Variants in DPH6 observed in about 807,000 individuals in gnomAD.
DPH6 encodes diphthine--ammonia ligase.
In DPH6, 33 loss-of-function variants were observed where a neutral mutation model predicts 38.2. The observed-to-expected ratio is 0.86, with a 90% CI of 0.65 to 1.15. The LOEUF is 1.15. Among genes scored for constraint, DPH6 ranks in the 50% most tolerant of loss-of-function variants. The pLI, the probability that DPH6 is intolerant of heterozygous loss-of-function variation, is 0.00. For missense variants in DPH6, 325 were observed against 320.0 expected (o/e 1.02, Z -0.12); for synonymous variants, 108 against 103.0 (o/e 1.05, Z -0.30).
At chr15:35,236,728 C>T (rs974851862) in intron 3 of DPH6, among the ~76,000 whole-genome samples, 1 of 151,926 alleles carries the variant, frequency 6.6e-6, no homozygotes, top group African/African-American at 2.4e-5. Context: ...GGTAATCTGA[C>T]CATGATTTTG....
downstream of DPH6, among the ~76,000 whole-genome samples, chr15:35,370,495 A>C (rs1484219290): frequency 2.0e-5 from 3 of 151,796 alleles, no homozygotes; most frequent in African/African-American, 7.2e-5. Flanking sequence ...CTCAATAATA[A>C]GACAAAAACC....
chr15:35,164,500 G>T, the DPH6 span, among the ~76,000 whole-genome samples: 2 of 151,574 alleles, frequency 1.3e-5, no homozygotes, highest in Admixed American at 6.6e-5. Context: ...TATCAGCAGT[G>T]AATTTTTCTC....
At chr15:35,436,494 C>CAAACAA (rs1566909220) in intron 5 of DPH6, among the ~76,000 whole-genome samples, 183 of 9,098 alleles carry the variant, frequency 0.02, 3 homozygotes, top group African/African-American at 0.043. Flanking sequence ...CAAAACAAAA[C>CAAACAA]AAAACAAAAC....
In DPH6 at chr15:35,397,878, C is replaced by T. The variant is rs1375410658; in HGVS notation, c.567+12957G>A. Among the ~76,000 whole-genome samples the T allele has an allele frequency of 6.3e-4, 89 of 141,008 alleles. 2 individuals carry two copies. The highest frequency in any genetic ancestry group is 1.5e-3 in the South Asian group (7 of 4,666). The allele number at this position is 141,008 out of a possible 152,430, so 92.5% of individuals were successfully genotyped here. ...ATCAATTTATATATATACACACACA[C>T]ACACACACACACACACACACACACA... On this transcript the variant is annotated intron_variant, in intron 6 of 8. Coordinates refer to ENST00000256538, the MANE Select transcript of DPH6 (RefSeq NM_080650.4).
At chr15:35,448,740 A>G (rs2053888927) in intron 5 of DPH6, among the ~76,000 whole-genome samples, 1 of 152,156 alleles carries the variant, frequency 6.6e-6, no homozygotes. Context: ...AAATAAACAC[A>G]CTATTGCTTC....
chr15:35,460,125 C>A (rs183120173), intron 3 of DPH6, among the ~76,000 whole-genome samples: 91 of 152,060 alleles, frequency 6.0e-4, no homozygotes, highest in African/African-American at 2.1e-3. Flanking sequence ...TTGATTATGA[C>A]CATTTAGGAG....
intron 3 of DPH6, among the ~76,000 whole-genome samples, chr15:35,291,574 T>C (rs899279409): frequency 6.6e-4 from 101 of 152,292 alleles, no homozygotes; most frequent in African/African-American, 2.4e-3. Context: ...TTGGATAAGA[T>C]ATTCTTATGA....
rs1437631832 is a variant in DPH6, at chr15:35,237,713, G to T, written n.201-17131C>A. 4 of 1,613,722 alleles carry T rather than the reference G, an allele frequency of 2.5e-6. No individual in the cohort carries two copies. The Admixed American group carries it at 5.0e-5, about 20-fold the overall frequency. ...CAATTGCGAGGTAACCAACCTGAACGACTACCGAGAAAATGTGTTCAAGCT... is the reference window on the plus strand; with the variant it reads ...CAATTGCGAGGTAACCAACCTGAACTACTACCGAGAAAATGTGTTCAAGCT... On this transcript the variant is annotated intron_variant and non_coding_transcript_variant, in intron 3 of 3. Transcript: ENST00000560386.
chr15:35,245,537 G>A (rs1337930621), intron 3 of DPH6, among the ~76,000 whole-genome samples: 1 of 152,088 alleles, frequency 6.6e-6, no homozygotes, highest in Non-Finnish European at 1.5e-5. Flanking sequence ...CACGCTGGCG[G>A]GTCATTGTTT....
At chr15:35,197,067 C>A in the DPH6 span, among the ~76,000 whole-genome samples, 1 of 152,140 alleles carries the variant, frequency 6.6e-6, no homozygotes, top group Non-Finnish European at 1.5e-5. Flanking sequence ...CATAATAATT[C>A]TTTGAACACA....
intron 3 of DPH6, among the ~76,000 whole-genome samples, chr15:35,310,121 C>A (rs2052128091): frequency 6.6e-6 from 1 of 152,156 alleles, no homozygotes. Context: ...GAAACTCATC[C>A]ATCAGCACCA....
At chr15:35,301,309 T>G (rs2052053171) in intron 3 of DPH6, among the ~76,000 whole-genome samples, 1 of 152,236 alleles carries the variant, frequency 6.6e-6, no homozygotes, top group African/African-American at 2.4e-5. Flanking sequence ...GCAGACATAC[T>G]GAGCTCTAAG....
chr15:35,332,589 T>C (rs890024280), intron 3 of DPH6, among the ~76,000 whole-genome samples: 1 of 152,150 alleles, frequency 6.6e-6, no homozygotes, highest in South Asian at 2.1e-4. Context: ...TGGGGTCAGA[T>C]GCCTATGTTT....
chr15:35,454,052 TA>T (rs1415980934), intron 4 of DPH6, among the ~76,000 whole-genome samples: 1 of 152,070 alleles, frequency 6.6e-6, no homozygotes, highest in Non-Finnish European at 1.5e-5. Context: ...CTAGATAAAT[TA>T]AAAATGAAAA....
intron 3 of DPH6, among the ~76,000 whole-genome samples, chr15:35,356,835 C>A (rs1420471079): frequency 6.6e-6 from 1 of 152,202 alleles, no homozygotes; most frequent in Non-Finnish European, 1.5e-5. Context: ...TTTAAAACTG[C>A]AGAGGTTTCT....
intron 3 of DPH6, among the ~76,000 whole-genome samples, chr15:35,338,809 T>C (rs1437736208): frequency 6.6e-6 from 1 of 152,156 alleles, no homozygotes. Flanking sequence ...TAGACTGGAT[T>C]AAGAAAATGT....
At chr15:35,167,220 C>T in the DPH6 span, among the ~76,000 whole-genome samples, 12 of 152,062 alleles carry the variant, frequency 7.9e-5, no homozygotes, top group Non-Finnish European at 1.0e-4. Context: ...CTGGAAGACT[C>T]AGAAGAATAA....
intron 3 of DPH6, among the ~76,000 whole-genome samples, chr15:35,350,384 C>T (rs1261202060): frequency 1.3e-5 from 2 of 150,358 alleles, no homozygotes; most frequent in Non-Finnish European, 3.0e-5. Flanking sequence ...TTCAAAAAAC[C>T]AATTTAGTTT....
chr15:35,407,627 T>C (rs113711828), intron 6 of DPH6, among the ~76,000 whole-genome samples: 18 of 152,112 alleles, frequency 1.2e-4, no homozygotes, highest in African/African-American at 3.6e-4. Flanking sequence ...GAAAGCTTCT[T>C]TGAGGAGGTA....
Sources: gnomAD v4.1 joint callset for allele counts (sites outside exome capture counted in the v4.1 genomes callset) on GRCh38, gnomAD v4.1.1 for gene constraint, MANE v1.5 for transcripts, NCBI Gene and HGNC (gene_info 2026-07-23, HGNC 2026-07-21) for gene names.